Variants in SLC2A9 observed in about 807,000 individuals in gnomAD.
SLC2A9 encodes solute carrier family 2, facilitated glucose transporter member 9.
A neutral mutation model predicts 50.6 loss-of-function variants in SLC2A9; 39 were observed. The ratio of observed to expected loss-of-function variants is 0.77; its 90% confidence interval spans 0.60 to 1.01. The LOEUF is 1.01. SLC2A9 is among the 50% of genes least tolerant of loss of function. The pLI, the probability that SLC2A9 is intolerant of heterozygous loss-of-function variation, is 0.00. For missense variants in SLC2A9, 686 were observed against 677.6 expected, an observed-to-expected ratio of 1.01 and a Z score of -0.14; for synonymous variants, 324 against 276.9, an observed-to-expected ratio of 1.17 and a Z score of -1.69.
intron 3 of SLC2A9, chr4:9,782,584 G>A (rs1461653045): frequency 1.9e-6 from 3 of 1,613,822 alleles, no homozygotes; most frequent in African/African-American, 2.7e-5. Flanking sequence ...GGGACCAGGC[G>A]GCCTCTTGGG....
At chr4:9,853,448 C>T (rs1244327678) in intron 10 of SLC2A9, among the ~76,000 whole-genome samples, 1 of 152,098 alleles carries the variant, frequency 6.6e-6, no homozygotes, top group Non-Finnish European at 1.5e-5. Context: ...AACAAGAATG[C>T]CTAACTATGC....
intron 2 of SLC2A9, chr4:10,006,680 A>C (rs1760834007): frequency 1.3e-5 from 2 of 152,050 alleles, no homozygotes; most frequent in Admixed American, 1.3e-4. Flanking sequence ...TTCCTAGAAA[A>C]GCCTGCTGCA....
At chr4:9,960,923 G>A (rs1287238037) in intron 5 of SLC2A9, among the ~76,000 whole-genome samples, 2 of 152,182 alleles carry the variant, frequency 1.3e-5, no homozygotes, top group African/African-American at 4.8e-5. Flanking sequence ...TCATTTGGTG[G>A]ACACAGGATC....
At chr4:9,887,709 C>A in intron 9 of SLC2A9, 67 bp from the exon 10 acceptor site, 1 of 1,263,852 alleles carries the variant, frequency 7.9e-7, no homozygotes, top group Non-Finnish European at 1.1e-6. Context: ...GAGTTCCCAC[C>A]CCAGCTCCTC....
chr4:9,930,123 T>C lies in SLC2A9; in HGVS notation c.815-9551A>G, dbSNP rs148588648. On this transcript the variant is annotated intron_variant, in intron 6 of 11. Coordinates refer to ENST00000264784, the MANE Select transcript of SLC2A9 (RefSeq NM_020041.3). Reference sequence around the variant, plus strand: ...TGCTGTCCTCCCCGCAAATCCTGCCTGTCTCTCTCCCCTCCCCTCTCCTTC... The same window carrying C: ...TGCTGTCCTCCCCGCAAATCCTGCCCGTCTCTCTCCCCTCCCCTCTCCTTC... Among the ~76,000 whole-genome samples, 352 of 152,278 alleles carry C rather than the reference T, an allele frequency of 2.3e-3. 3 individuals carry two copies. The highest frequency in any genetic ancestry group is 7.8e-3 in the African/African-American group (323 of 41,556).
At chr4:10,003,755 A>G (rs1340538584) in intron 2 of SLC2A9, among the ~76,000 whole-genome samples, 4 of 152,244 alleles carry the variant, frequency 2.6e-5, no homozygotes, top group Non-Finnish European at 4.4e-5. Flanking sequence ...CTGGTCATGC[A>G]TGATACAGAA....
chr4:9,867,108 T>C (rs991534555), intron 10 of SLC2A9, among the ~76,000 whole-genome samples: 2 of 152,218 alleles, frequency 1.3e-5, no homozygotes, highest in Non-Finnish European at 1.5e-5. Context: ...GTGAATGCAA[T>C]GGGCACTTTT....
At chr4:9,908,548 T>C (rs1234091470) in intron 7 of SLC2A9, among the ~76,000 whole-genome samples, 1 of 140,242 alleles carries the variant, frequency 7.1e-6, no homozygotes, top group African/African-American at 2.8e-5. Context: ...TTTTATTTTT[T>C]ATTTATATAT....
chr4:9,896,426 A>T lies in SLC2A9; in HGVS notation c.1114-5715T>A, dbSNP rs186912629. 1.2e-4 allele frequency among the ~76,000 whole-genome samples: 19 copies of T among 152,254 alleles called. No individual in the cohort carries two copies. In the East Asian group the frequency reaches 3.7e-3, roughly 29 times the overall value. On this transcript the variant is annotated intron_variant, in intron 8 of 11. Transcript: ENST00000264784. ...CTTCTTTGGTAAAGCATGTGTTCAT[A>T]TATTTTGCTCATTTTCAAGTGGGCA... is the stretch of plus-strand genomic sequence containing the variant.
At chr4:9,985,915 T>C in intron 3 of SLC2A9, 122 bp from the exon 4 acceptor site, 1 of 1,397,466 alleles carries the variant, frequency 7.2e-7, no homozygotes, top group East Asian at 2.4e-5. Context: ...TCAGGCACAG[T>C]GCAGGGAGCA....
chr4:9,954,977 G>A (rs916313629), intron 5 of SLC2A9, among the ~76,000 whole-genome samples: 21 of 152,158 alleles, frequency 1.4e-4, no homozygotes, highest in Non-Finnish European at 2.6e-4. Flanking sequence ...GCATATGCAC[G>A]AAGAGGCAAA....
At chr4:10,025,925 A>G, upstream of SLC2A9, 1 of 1,613,278 alleles carries the variant, frequency 6.2e-7, no homozygotes, top group Admixed American at 1.7e-5. Context: ...TCGCTGAATC[A>G]CTTTCTTCAT....
At chr4:10,030,932 T>G (rs891854751) in intron 1 of SLC2A9, among the ~76,000 whole-genome samples, 20 of 118,422 alleles carry the variant, frequency 1.7e-4, no homozygotes, top group African/African-American at 5.1e-4. Flanking sequence ...CTCCCAAAGC[T>G]GAGTCTTCTA....
chr4:9,875,690 GCTCTGAGT>G (rs1390264408), intron 10 of SLC2A9, among the ~76,000 whole-genome samples: 2 of 152,108 alleles, frequency 1.3e-5, no homozygotes, highest in Non-Finnish European at 2.9e-5. Context: ...GCTCTTAACC[GCTCTGAGT>G]CTCAACTTCC....
intron 6 of SLC2A9, among the ~76,000 whole-genome samples, chr4:9,933,684 A>G (rs1000025796): frequency 7.9e-5 from 12 of 152,190 alleles, no homozygotes; most frequent in African/African-American, 2.7e-4. Context: ...AGCAAATTAC[A>G]ATGGAGATTT....
At chr4:9,771,028 T>G (rs1716755492), downstream of SLC2A9, 1 of 153,198 alleles carries the variant, frequency 6.5e-6, no homozygotes, top group African/African-American at 2.4e-5. Flanking sequence ...TGTACTTCCC[T>G]CCCCCAGCGT....
At chr4:9,869,716 C>A (rs1440332223) in intron 10 of SLC2A9, among the ~76,000 whole-genome samples, 1 of 152,248 alleles carries the variant, frequency 6.6e-6, no homozygotes, top group East Asian at 1.9e-4. Flanking sequence ...CAGTGACTGG[C>A]AGACAGTAAG....
intron 3 of SLC2A9, chr4:9,782,209 G>C: frequency 6.2e-7 from 1 of 1,611,718 alleles, no homozygotes; most frequent in Non-Finnish European, 8.5e-7. Context: ...GCAACGTGCT[G>C]GTGTGCGCAG....
At chr4:9,995,377 C>G (rs1265424228) in intron 3 of SLC2A9, among the ~76,000 whole-genome samples, 3 of 152,210 alleles carry the variant, frequency 2.0e-5, no homozygotes, top group African/African-American at 7.2e-5. Flanking sequence ...ATAAGCACCA[C>G]TTGGATGTTT....
Sources: allele counts gnomAD v4.1 joint callset (sites outside exome capture counted in the v4.1 genomes callset), GRCh38; gene constraint gnomAD v4.1.1; transcripts MANE v1.5; gene names NCBI Gene and HGNC (gene_info 2026-07-23, HGNC 2026-07-21).